CDH26: variants seen among roughly 807,000 people sequenced by gnomAD.
The protein encoded by CDH26 is cadherin-like protein 26.
Under a neutral mutation model 90.3 loss-of-function variants are expected in CDH26, and 83 were observed. The observed-to-expected ratio is 0.92, with a 90% CI of 0.77 to 1.10. CDH26 has a LOEUF of 1.10. CDH26 is among the 50% of genes least tolerant of loss of function. CDH26 has a pLI of 0.00. For synonymous variants in CDH26, 397 were observed against 396.3 expected, an observed-to-expected ratio of 1.00 and a Z score of -0.02; for missense variants, 1,013 against 1,037.6, an observed-to-expected ratio of 0.98 and a Z score of 0.33.
intron 4 of CDH26, among the ~76,000 whole-genome samples, chr20:59,974,022 A>G (rs946215946): frequency 6.6e-6 from 1 of 152,220 alleles, no homozygotes; most frequent in Non-Finnish European, 1.5e-5. Flanking sequence ...CAGTATATAC[A>G]TGCTCCTTTT....
chr20:59,998,741 A>G (rs1339796114), intron 13 of CDH26, among the ~76,000 whole-genome samples: 1 of 152,192 alleles, frequency 6.6e-6, no homozygotes, highest in African/African-American at 2.4e-5. Context: ...ACTTTCATAT[A>G]TAAAGTGAGC....
intron 11 of CDH26, 50 bp downstream of exon 11, chr20:59,994,539 C>A: frequency 6.3e-7 from 1 of 1,599,604 alleles, no homozygotes; most frequent in South Asian, 1.1e-5. Flanking sequence ...GCCAGATATC[C>A]AATTCAAACA....
chr20:60,023,948 A>T (rs1171078405), intron 7 of CDH26, among the ~76,000 whole-genome samples: 4 of 147,936 alleles, frequency 2.7e-5, no homozygotes, highest in African/African-American at 1.0e-4. Flanking sequence ...GGGTACCATT[A>T]TGCTGACAGA....
chr20:60,007,732 GTT>G (rs113480441), intron 17 of CDH26, among the ~76,000 whole-genome samples: 1 of 146,084 alleles, frequency 6.8e-6, no homozygotes, highest in African/African-American at 2.5e-5. Context: ...GTTTCTGCTG[GTT>G]TTTTTTTTTT....
chr20:59,996,570 C>T, intron 12 of CDH26, 61 bp from the exon 13 acceptor site: 2 of 1,614,234 alleles, frequency 1.2e-6, no homozygotes, highest in Non-Finnish European at 1.7e-6. Flanking sequence ...ACAAGATCCT[C>T]ATGAAACCTC....
intron 7 of CDH26, among the ~76,000 whole-genome samples, chr20:60,025,654 G>A (rs1012486944): frequency 3.9e-5 from 6 of 152,190 alleles, no homozygotes; most frequent in Admixed American, 1.3e-4. Flanking sequence ...TCCCACATGG[G>A]CCTGTAGAGG....
At chr20:59,975,504 G>A (rs183178639) in intron 4 of CDH26, among the ~76,000 whole-genome samples, 2 of 152,256 alleles carry the variant, frequency 1.3e-5, no homozygotes, top group East Asian at 1.9e-4. Context: ...AGCCATGGGG[G>A]TCTATGGTAT....
chr20:60,017,874 T>C (rs2061918514), downstream of CDH26, among the ~76,000 whole-genome samples: 1 of 152,100 alleles, frequency 6.6e-6, no homozygotes, highest in South Asian at 2.1e-4. Context: ...TCCTTGGTCA[T>C]CAGGAGCATG....
intron 14 of CDH26, 129 bp from the exon 15 acceptor site, chr20:60,001,214 T>C: frequency 9.2e-7 from 1 of 1,085,204 alleles, no homozygotes; most frequent in African/African-American, 1.5e-5. Flanking sequence ...CTCCCTCTCA[T>C]CGTGTTAATT....
chr20:60,002,445 T>A (rs557721164), intron 15 of CDH26, among the ~76,000 whole-genome samples: 1 of 152,064 alleles, frequency 6.6e-6, no homozygotes, highest in East Asian at 2.0e-4. Flanking sequence ...AATTCTTAAT[T>A]TTTGAACAAA....
chr20:60,026,787 C>A (rs1251407346), intron 7 of CDH26, among the ~76,000 whole-genome samples: 4 of 152,184 alleles, frequency 2.6e-5, no homozygotes, highest in African/African-American at 9.6e-5. Context: ...GACCTACAGA[C>A]CCTGTAGGGT....
downstream of CDH26, among the ~76,000 whole-genome samples, chr20:60,016,915 T>C (rs1470080885): frequency 6.6e-6 from 1 of 152,126 alleles, no homozygotes; most frequent in Non-Finnish European, 1.5e-5. Context: ...TGATGTATCA[T>C]GTGTACTGAT....
intron 3 of CDH26, among the ~76,000 whole-genome samples, chr20:59,970,856 G>A (rs1189552553): frequency 6.9e-6 from 1 of 144,148 alleles, no homozygotes; most frequent in East Asian, 2.2e-4. Context: ...AAATAAATAA[G>A]GGAGATTGTC....
chr20:60,027,852 C>T (rs1177387143), intron 7 of CDH26, among the ~76,000 whole-genome samples: 1 of 152,048 alleles, frequency 6.6e-6, no homozygotes, highest in African/African-American at 2.4e-5. Flanking sequence ...ATGTGGGTGA[C>T]CTGCTACCTT....
chr20:59,961,743 T>G (rs2061077390), intron 1 of CDH26, among the ~76,000 whole-genome samples: 1 of 152,232 alleles, frequency 6.6e-6, no homozygotes, highest in Non-Finnish European at 1.5e-5. Flanking sequence ...TGCAGGTTTA[T>G]GTCTTTGTTC....
At chr20:60,034,181 T>G (rs965767020), downstream of CDH26, among the ~76,000 whole-genome samples, 2 of 152,016 alleles carry the variant, frequency 1.3e-5, no homozygotes, top group African/African-American at 4.8e-5. Flanking sequence ...ACAGAGAGTG[T>G]CTCCCTGCAT....
chr20:60,010,962 T>C (rs1424334113), intron 17 of CDH26, among the ~76,000 whole-genome samples: 4 of 152,048 alleles, frequency 2.6e-5, no homozygotes, highest in African/African-American at 4.8e-5. Flanking sequence ...CATGGCCAGG[T>C]ACGTGTCCCT....
rs1372375302 is a variant in CDH26, at chr20:59,996,743, C to T, written c.2001C>T (p.Ser667=). ...HQTLVMYNAE[S]KGTSAQTWSD... is the part of the protein sequence containing the mutation. ...CACTGGTCATGTATAATGCGGAGAG[C>T]AAAGGCACTTCAGCCCAGGTAGTGG... is the stretch of plus-strand genomic sequence containing the variant. Residue 667 remains serine, a synonymous_variant, in exon 13 of 18, where the codon AGC becomes AGT. Coordinates refer to ENST00000348616, the MANE Select transcript of CDH26 (RefSeq NM_177980.4). The T allele has an allele frequency of 6.2e-7, 1 of 1,614,218 alleles. No individual in the cohort carries two copies. Among genetic ancestry groups the T allele is most frequent in the Admixed American group, 1.7e-5 (1 of 60,030 alleles).
rs117766858 is a variant in CDH26 at position 59,964,621 on chromosome 20, C to T, written c.70-4346C>T. 2.1e-3 allele frequency among the ~76,000 whole-genome samples: 318 copies of T among 152,286 alleles called. 3 individuals carry two copies. The highest frequency in any genetic ancestry group is 0.013 in the South Asian group (64 of 4,818). On this transcript the variant is annotated intron_variant, in intron 1 of 17. Transcript: ENST00000348616. ...TTCCTGCATCACCCAGATGAGAGAT[C>T]TCAAGTTAATTTCTAAGACATGCAT...
Sources: allele counts gnomAD v4.1 joint callset (sites outside exome capture counted in the v4.1 genomes callset), GRCh38; gene constraint gnomAD v4.1.1; transcripts MANE v1.5; gene names NCBI Gene and HGNC (gene_info 2026-07-23, HGNC 2026-07-21).